The following INPP4B variants were observed in gnomAD, a reference collection of about 807,000 sequenced individuals.
INPP4B encodes inositol polyphosphate 4-phosphatase type II.
Under a neutral mutation model 122.5 loss-of-function variants are expected in INPP4B, and 55 were observed. The observed-to-expected ratio is 0.45, with a 90% confidence interval of 0.36 to 0.56. The LOEUF is 0.56. Ranked by LOEUF, INPP4B falls within the 20% of genes least tolerant of loss-of-function variation. The pLI, the probability that INPP4B is intolerant of heterozygous loss-of-function variation, is 0.00. For missense variants in INPP4B, 1,000 were observed against 1,097.7 expected, an observed-to-expected ratio of 0.91 and a Z score of 1.26; for synonymous variants, 403 against 388.7, an observed-to-expected ratio of 1.04 and a Z score of -0.43.
intron 23 of INPP4B, among the ~76,000 whole-genome samples, chr4:142,100,794 C>T (rs75901487): frequency 0.027 from 4,183 of 152,132 alleles, 67 homozygotes; most frequent in Middle Eastern, 0.044. Flanking sequence ...TTTAACAGTG[C>T]TTTTTGTCAC....
At chr4:142,757,209 A>G (rs1770631146) in intron 1 of INPP4B, among the ~76,000 whole-genome samples, 1 of 152,098 alleles carries the variant, frequency 6.6e-6, no homozygotes, top group South Asian at 2.1e-4. Context: ...CCCTGATATT[A>G]TCAACAGTCC....
At chr4:142,826,558 A>G (rs1781491073) in intron 1 of INPP4B, among the ~76,000 whole-genome samples, 1 of 151,918 alleles carries the variant, frequency 6.6e-6, no homozygotes, top group Admixed American at 6.6e-5. Context: ...TCCCATTCAA[A>G]TCTCTTAAAA....
chr4:142,698,697 C>T (rs372162705), intron 2 of INPP4B, among the ~76,000 whole-genome samples: 1 of 152,188 alleles, frequency 6.6e-6, no homozygotes. Context: ...AACTACCTTC[C>T]TCATACCAGA....
intron 21 of INPP4B, among the ~76,000 whole-genome samples, chr4:142,120,053 T>C (rs915493067): frequency 1.3e-5 from 2 of 151,876 alleles, no homozygotes; most frequent in Non-Finnish European, 2.9e-5. Context: ...ATTCTTCTCT[T>C]TCCATATAGA....
intron 18 of INPP4B, among the ~76,000 whole-genome samples, chr4:142,142,129 A>C (rs942109857): frequency 1.3e-5 from 2 of 152,100 alleles, no homozygotes; most frequent in African/African-American, 4.8e-5. Flanking sequence ...TATGTCTCAA[A>C]TTGCTTGCCT....
intron 9 of INPP4B, among the ~76,000 whole-genome samples, chr4:142,280,530 G>T (rs1750710865): frequency 6.6e-6 from 1 of 151,910 alleles, no homozygotes. Context: ...GTGGCCAGGG[G>T]TTGGTGTGGG....
chr4:142,522,499 C>T (rs548547977), intron 2 of INPP4B, among the ~76,000 whole-genome samples: 2 of 152,040 alleles, frequency 1.3e-5, no homozygotes, highest in East Asian at 3.9e-4. Flanking sequence ...TAATCAACAC[C>T]ACTCCTGGCC....
chr4:142,782,138 A>C (rs62331920), intron 1 of INPP4B, among the ~76,000 whole-genome samples: 2 of 150,340 alleles, frequency 1.3e-5, no homozygotes, highest in African/African-American at 2.5e-5. Flanking sequence ...CCCCCTTCCC[A>C]CACCCCACAA....
chr4:142,329,799 A>G (rs917501732), intron 7 of INPP4B, among the ~76,000 whole-genome samples: 1 of 152,214 alleles, frequency 6.6e-6, no homozygotes, highest in Non-Finnish European at 1.5e-5. Context: ...ATAATGCTCA[A>G]CTAGTCACAA....
chr4:142,304,046 G>A (rs1211901332), intron 9 of INPP4B, among the ~76,000 whole-genome samples: 1 of 152,030 alleles, frequency 6.6e-6, no homozygotes, highest in East Asian at 1.9e-4. Flanking sequence ...ATGAATACTG[G>A]GGCTTGTGAG....
intron 1 of INPP4B, among the ~76,000 whole-genome samples, chr4:142,793,118 G>T (rs1042354788): frequency 1.6e-5 from 2 of 125,752 alleles, no homozygotes; most frequent in African/African-American, 3.4e-5. Context: ...AATTACACAC[G>T]TTTATTTGTT....
intron 2 of INPP4B, among the ~76,000 whole-genome samples, chr4:142,518,422 T>C (rs1483109795): frequency 3.3e-5 from 5 of 152,152 alleles, no homozygotes; most frequent in African/African-American, 1.2e-4. Context: ...GTGATTGATA[T>C]TTTCATTACC....
intron 2 of INPP4B, among the ~76,000 whole-genome samples, chr4:142,620,468 A>T (rs1351380477): frequency 6.6e-6 from 1 of 151,972 alleles, no homozygotes; most frequent in East Asian, 1.9e-4. Context: ...ACACACACAC[A>T]CAAAGAAGGA....
intron 2 of INPP4B, among the ~76,000 whole-genome samples, chr4:142,524,865 A>G (rs1403901299): frequency 2.0e-5 from 3 of 151,906 alleles, no homozygotes; most frequent in Non-Finnish European, 2.9e-5. Flanking sequence ...CCTATTCAAC[A>G]TAGTGTTGGA....
chr4:142,572,188 C>T (rs1732981260), intron 2 of INPP4B, among the ~76,000 whole-genome samples: 1 of 152,140 alleles, frequency 6.6e-6, no homozygotes, highest in Non-Finnish European at 1.5e-5. Flanking sequence ...AGCTCTGTAT[C>T]ACTGGCATGT....
chr4:142,212,285 T>C (rs1399367103), intron 12 of INPP4B, among the ~76,000 whole-genome samples: 1 of 152,180 alleles, frequency 6.6e-6, no homozygotes, highest in East Asian at 1.9e-4. Context: ...AGCCACAATA[T>C]GCAATCCTCC....
intron 2 of INPP4B, among the ~76,000 whole-genome samples, chr4:142,701,812 G>C (rs1286532286): frequency 1.3e-5 from 2 of 151,944 alleles, no homozygotes; most frequent in African/African-American, 4.8e-5. Flanking sequence ...TAGACACTTG[G>C]GTAGGTTGAC....
chr4:142,823,482 G>A (rs149219697), intron 1 of INPP4B, among the ~76,000 whole-genome samples: 3 of 152,202 alleles, frequency 2.0e-5, no homozygotes, highest in African/African-American at 7.2e-5. Flanking sequence ...ATCCACTTGA[G>A]TAAAGATGAT....
At chr4:142,177,229 T>C (rs1011221417) in intron 15 of INPP4B, among the ~76,000 whole-genome samples, 13 of 149,696 alleles carry the variant, frequency 8.7e-5, no homozygotes, top group African/African-American at 3.0e-4. Flanking sequence ...AACGTTGGTG[T>C]CCAGGATGAA....
Sources: allele counts gnomAD v4.1 joint callset (sites outside exome capture counted in the v4.1 genomes callset), GRCh38; gene constraint gnomAD v4.1.1; transcripts MANE v1.5; gene names NCBI Gene and HGNC (gene_info 2026-07-23, HGNC 2026-07-21).